Variants in MOGAT3 observed in about 807,000 individuals in gnomAD.
MOGAT3 encodes the protein 2-acylglycerol O-acyltransferase 3.
A neutral mutation model predicts 34.4 loss-of-function variants in MOGAT3; 39 were observed. The ratio of observed to expected loss-of-function variants is 1.13; its 90% CI spans 0.88 to 1.48. The LOEUF is 1.48. Among genes scored for constraint, MOGAT3 ranks in the 40% most tolerant of loss-of-function variants. The probability of loss-of-function intolerance (pLI) is 0.00; values close to 1 mark genes in which losing one functional copy is unlikely to be tolerated. For missense variants in MOGAT3, 439 were observed against 438.9 expected (o/e 1.00, Z 0.00); for synonymous variants, 209 against 179.2 (o/e 1.17, Z -1.33).
intron 4 of MOGAT3, 81 bp from the exon 5 acceptor site, chr7:101,198,446 C>T: frequency 1.4e-6 from 2 of 1,420,446 alleles, no homozygotes; most frequent in Non-Finnish European, 1.9e-6. Flanking sequence ...TAGTTCCAAG[C>T]CCCCTACCCC....
intron 5 of MOGAT3, among the ~76,000 whole-genome samples, chr7:101,196,752 C>A (rs1797802001): frequency 1.3e-5 from 2 of 152,188 alleles, no homozygotes; most frequent in South Asian, 4.2e-4. Flanking sequence ...ACCTGTAATT[C>A]CAGCTACTAC....
intron 1 of MOGAT3, 84 bp downstream of exon 1, chr7:101,200,662 A>G: frequency 1.5e-6 from 2 of 1,354,782 alleles, no homozygotes; most frequent in Non-Finnish European, 1.0e-6. Context: ...GTCCTCAGGC[A>G]TGCAAGCCAG....
chr7:101,196,175 G>A lies in MOGAT3; in HGVS notation c.871+12C>T, dbSNP rs115767670. On this transcript the variant is annotated intron_variant, in intron 6 of 6. Coordinates refer to ENST00000223114, the MANE Select transcript of MOGAT3 (RefSeq NM_178176.4). ...GCTGCTGGTGGCCGTCCCCCCGGAG[G>A]TGGGCACTCACCCACAGTGGTGATG... 2,126 of 1,571,428 alleles carry A rather than the reference G, an allele frequency of 1.4e-3. 24 individuals carry two copies. The African/African-American group carries it at 0.024, about 18-fold the overall frequency.
chr7:101,194,335 G>A (rs1461195215), downstream of MOGAT3, among the ~76,000 whole-genome samples: 1 of 151,774 alleles, frequency 6.6e-6, no homozygotes, highest in Non-Finnish European at 1.5e-5. Context: ...CTACAGGAGA[G>A]CACCACCACG....
At chr7:101,197,998 G>C (rs982790651) in intron 5 of MOGAT3, among the ~76,000 whole-genome samples, 193 bp downstream of exon 5, 1 of 152,244 alleles carries the variant, frequency 6.6e-6, no homozygotes, top group Non-Finnish European at 1.5e-5. Context: ...GGATGTGGGA[G>C]GGAGCTTAGG....
chr7:101,198,624 A>C lies in MOGAT3; in HGVS notation c.493+2T>G. ...CCGTTCTCCTCCTCCCATTCGGCTC[A>C]CCAAAGGACATGATGTAGTCGCGAT... On this transcript the variant is annotated splice_donor_variant, in intron 4 of 6. Transcript: ENST00000223114. LOFTEE classifies it high-confidence loss of function. The C allele has an allele frequency of 6.2e-7, 1 of 1,612,378 alleles. No homozygotes were observed. Among genetic ancestry groups the C allele is most frequent in the Non-Finnish European group, 8.5e-7 (1 of 1,179,920 alleles).
chr7:101,196,224 C>G lies in MOGAT3; in HGVS notation c.834G>C (p.Trp278Cys). The G allele has an allele frequency of 1.9e-6, 3 of 1,589,134 alleles. No homozygotes were observed. The highest frequency in any genetic ancestry group is 2.6e-6 in the Non-Finnish European group (3 of 1,167,538). Residue 278 changes from tryptophan (W) to cysteine (C), a missense_variant, in exon 6 of 7, where the codon TGG becomes TGC. Physicochemically the swap from Trp to Cys is radical, Grantham distance 215 (BLOSUM62 -2). Coordinates refer to ENST00000223114, the MANE Select transcript of MOGAT3 (RefSeq NM_178176.4). ...TGGGCACAGCAAAGGGCAGCAGGCC[C>G]CAGGAGGTGGCTGAGAAGAGACCGC... ...WGRGLFSATS[W>C]GLLPFAVPIT...
chr7:101,194,049 C>T (rs773292932), downstream of MOGAT3, among the ~76,000 whole-genome samples: 33 of 151,328 alleles, frequency 2.2e-4, no homozygotes, highest in Non-Finnish European at 4.1e-4. Context: ...GCTGGAGTGC[C>T]GTGGCACGAT....
intron 1 of MOGAT3, 60 bp downstream of exon 1, chr7:101,200,686 C>T: frequency 6.8e-7 from 1 of 1,476,616 alleles, no homozygotes; most frequent in Non-Finnish European, 9.4e-7. Flanking sequence ...CCCAGCCACT[C>T]TCCCTCCAAG....
chr7:101,197,094 C>T (rs111719009), intron 5 of MOGAT3, among the ~76,000 whole-genome samples: 11,637 of 149,380 alleles, frequency 0.078, 732 homozygotes, highest in African/African-American at 0.17. Flanking sequence ...TGCAGCGAGC[C>T]GAGATCACAC....
intron 3 of MOGAT3, 132 bp from the exon 4 acceptor site, chr7:101,198,962 C>A: frequency 1.4e-6 from 1 of 706,958 alleles, no homozygotes; most frequent in Non-Finnish European, 2.4e-6. Context: ...CAGCAGAGTT[C>A]CGAGTTAAAG....
At position 101,198,846 on chromosome 7, in the gene MOGAT3, C is replaced by G. The variant is rs946973653; in HGVS notation, c.289-16G>C. ...TTTTCACCAGCTTCGGGGTGTTGAG[C>G]AGGATGAAGGGAGGATGGAAGGCAA... On this transcript the variant is annotated splice_polypyrimidine_tract_variant and intron_variant, in intron 3 of 6. Transcript: ENST00000223114. The G allele has an allele frequency of 6.2e-7, 1 of 1,612,804 alleles. No homozygotes were observed. The highest frequency in any genetic ancestry group is 1.3e-5 in the African/African-American group (1 of 74,800).
In MOGAT3 at chr7:101,195,848, G is replaced by A; in HGVS notation, c.*98C>T. ...GATTACAGGCATGAGGCACTGCGCT[G>A]GGCCCAGAACTACCTTTTATTGGAG... On this transcript the variant is annotated 3_prime_UTR_variant, in exon 7 of 7. Coordinates refer to ENST00000223114, the MANE Select transcript of MOGAT3 (RefSeq NM_178176.4). 4 of 1,366,008 alleles carry A rather than the reference G, an allele frequency of 2.9e-6. No homozygotes were observed. Among genetic ancestry groups the A allele is most frequent in the Non-Finnish European group, 4.1e-6 (4 of 975,936 alleles). The allele number at this position is 1,366,008 out of a possible 1,614,324, so 84.6% of individuals were successfully genotyped here.
chr7:101,198,486 G>T, intron 4 of MOGAT3, 121 bp from the exon 5 acceptor site: 1 of 1,328,694 alleles, frequency 7.5e-7, no homozygotes, highest in Non-Finnish European at 1.0e-6. Context: ...CTACCCAAAT[G>T]CTCACTGCAA....
chr7:101,200,428 T>C lies in MOGAT3; in HGVS notation c.197A>G (p.Asp66Gly), dbSNP rs1230447343. 5 of 1,611,986 alleles carry C rather than the reference T, an allele frequency of 3.1e-6. No individual in the cohort carries two copies. The South Asian group carries it at 5.5e-5, about 18-fold the overall frequency. The change falls in exon 2 of 7, where the codon GAC becomes GGC. Residue 66 changes from aspartate (D) to glycine (G), a missense_variant. Asp to Gly is a moderately conservative substitution (Grantham distance 94, BLOSUM62 -1). Coordinates refer to ENST00000223114, the MANE Select transcript of MOGAT3 (RefSeq NM_178176.4). ...SVFYLVWLYV[D>G]WDTPNQGGRR... Reference sequence around the variant, plus strand: ...CTCACCTTGGTTGGGTGTGTCCCAGTCCACATAGAGCCACACCAAGTAAAA... The same window carrying C: ...CTCACCTTGGTTGGGTGTGTCCCAGCCCACATAGAGCCACACCAAGTAAAA...
intron 5 of MOGAT3, 65 bp downstream of exon 5, chr7:101,198,126 C>G (rs1309347079): frequency 6.5e-7 from 1 of 1,539,210 alleles, no homozygotes; most frequent in Non-Finnish European, 8.8e-7. Context: ...ACCTAGATGT[C>G]TGGGGACTGA....
chr7:101,199,219 G>A (rs1239253880), intron 3 of MOGAT3, among the ~76,000 whole-genome samples: 1 of 152,020 alleles, frequency 6.6e-6, no homozygotes, highest in East Asian at 1.9e-4. Flanking sequence ...TATTGGCCAG[G>A]TTGGTCTTGA....
In MOGAT3 at chr7:101,198,224, CGCTTCTGGAGCGTAAGGCAGT is replaced by C; in HGVS notation, c.614_634del (p.His205_Lys211del). ...CAGCGCCAGGCGCACGAAGCCTTTG[CGCTTCTGGAGCGTAAGGCAGT>C]GCTCCCCGGGGACTGAATACAGGGC... On this transcript the variant is annotated inframe_deletion, in exon 5 of 7. Transcript: ENST00000223114. 1.9e-6 allele frequency: 3 copies of C among 1,613,274 alleles called. No individual in the cohort carries two copies. The highest frequency in any genetic ancestry group is 2.5e-6 in the Non-Finnish European group (3 of 1,179,606).
Position 101,198,237 on chromosome 7 carries a change from T to G in MOGAT3, c.622A>C (p.Thr208Pro). The G allele has an allele frequency of 6.2e-7, 1 of 1,613,650 alleles. No individual in the cohort carries two copies. The highest frequency in any genetic ancestry group is 8.5e-7 in the Non-Finnish European group (1 of 1,179,804). Residue 208 changes from threonine (T) to proline (P), a missense_variant, in exon 5 of 7, where the codon ACG becomes CCG. Transcript: ENST00000223114. ...ACGAAGCCTTTGCGCTTCTGGAGCG[T>G]AAGGCAGTGCTCCCCGGGGACTGAA... ...LYSVPGEHCL[T>P]LQKRKGFVRL...
Sources: allele counts gnomAD v4.1 joint callset (sites outside exome capture counted in the v4.1 genomes callset), GRCh38; gene constraint gnomAD v4.1.1; transcripts MANE v1.5; gene names NCBI Gene and HGNC (gene_info 2026-07-23, HGNC 2026-07-21).